Variants in PTPRB observed in about 807,000 individuals in gnomAD.
The protein encoded by PTPRB is protein tyrosine phosphatase receptor type B, also known as receptor-type tyrosine-protein phosphatase beta.
PTPRB carries 97 observed loss-of-function variants against 238.1 expected under a neutral mutation model. The ratio of observed to expected loss-of-function variants is 0.41; its 90% confidence interval spans 0.35 to 0.48. The LOEUF (loss-of-function observed/expected upper bound fraction) is 0.48, where lower values mean the gene tolerates loss of function less well. Among genes scored for constraint, PTPRB ranks in the 20% least tolerant of loss-of-function variants. PTPRB has a pLI of 0.30. For missense variants in PTPRB, 2,292 were observed against 2,681.9 expected, an observed-to-expected ratio of 0.85 and a Z score of 3.21; for synonymous variants, 970 against 995.4, an observed-to-expected ratio of 0.97 and a Z score of 0.48.
chr12:70,547,522 C>CT (rs11296814), intron 21 of PTPRB, among the ~76,000 whole-genome samples: 78 of 115,230 alleles, frequency 6.8e-4, no homozygotes, highest in African/African-American at 1.9e-3. Flanking sequence ...TCTTTCCTTC[C>CT]TTTTTTTTTT....
chr12:70,602,631 C>T (rs956731172), intron 4 of PTPRB, among the ~76,000 whole-genome samples: 6 of 152,042 alleles, frequency 3.9e-5, no homozygotes, highest in Admixed American at 6.6e-5. Context: ...GAAATAATCA[C>T]GACTTGGATT....
rs989162436 is a variant in PTPRB, at chr12:70,517,725, T to C, written c.*3764A>G. 6.6e-6 allele frequency: 1 copy of C among 152,210 alleles called. No individual in the cohort carries two copies. The highest frequency in any genetic ancestry group is 2.4e-5 in the African/African-American group (1 of 41,448). The allele number at this position is 152,210 out of a possible 1,614,324, so 9.4% of individuals were successfully genotyped here. On this transcript the variant is annotated 3_prime_UTR_variant, in exon 34 of 34. Transcript: ENST00000334414. ...GATTTTCACCAGGTCAGGTTTGGTC[T>C]GGCTCATGTTTGTAAACTAAAACTC...
chr12:70,565,052 G>GT (rs986299624), intron 15 of PTPRB, among the ~76,000 whole-genome samples: 1 of 151,878 alleles, frequency 6.6e-6, no homozygotes, highest in Non-Finnish European at 1.5e-5. Context: ...GACCATGGGA[G>GT]TTTTTTTATT....
At chr12:70,574,647 A>AT (rs1238895663) in intron 11 of PTPRB, among the ~76,000 whole-genome samples, 6 of 152,204 alleles carry the variant, frequency 3.9e-5, no homozygotes, top group Non-Finnish European at 8.8e-5. Flanking sequence ...AAATATTGGT[A>AT]TTTTCACCCA....
chr12:70,532,454 C>A (rs998561141), intron 31 of PTPRB, among the ~76,000 whole-genome samples: 2 of 151,840 alleles, frequency 1.3e-5, no homozygotes, highest in African/African-American at 4.8e-5. Context: ...AATACTTTTC[C>A]TACATACAGG....
intron 18 of PTPRB, 72 bp downstream of exon 18, chr12:70,559,271 A>G (rs576647417): frequency 1.2e-5 from 18 of 1,456,324 alleles, no homozygotes; most frequent in Middle Eastern, 1.7e-4. Context: ...TCCAAGCCCT[A>G]TTTGAGTAAG....
At position 70,555,147 on chromosome 12, in the gene PTPRB, C is replaced by G. The variant is rs1425833163; in HGVS notation, c.5143+13G>C. 2 of 1,612,226 alleles carry G rather than the reference C, an allele frequency of 1.2e-6. No homozygotes were observed. The highest frequency in any genetic ancestry group is 2.7e-5 in the African/African-American group (2 of 74,880). On this transcript the variant is annotated intron_variant, in intron 20 of 33. Transcript: ENST00000334414. ...TCTGTGTCTCAGAGTGGAGTTAACT[C>G]ATGATAACTTACCATCAGCCTCTCT...
intron 32 of PTPRB, among the ~76,000 whole-genome samples, chr12:70,527,943 C>T (rs1057077762): frequency 1.3e-5 from 2 of 152,142 alleles, no homozygotes; most frequent in Non-Finnish European, 2.9e-5. Flanking sequence ...AGGCTTAAAG[C>T]AAGGCAGATG....
chr12:70,530,506 A>C (rs977372029), intron 32 of PTPRB, among the ~76,000 whole-genome samples: 2 of 152,226 alleles, frequency 1.3e-5, no homozygotes, highest in Non-Finnish European at 2.9e-5. Flanking sequence ...ATACATATAT[A>C]CATACACACG....
intron 21 of PTPRB, 43 bp downstream of exon 21, chr12:70,552,734 T>C (rs1877079045): frequency 6.2e-7 from 1 of 1,606,740 alleles, no homozygotes; most frequent in Non-Finnish European, 8.5e-7. Context: ...TGCTTAGTAA[T>C]GTAGCATGTC....
At chr12:70,521,839 G>A (rs1429622951) in intron 33 of PTPRB, among the ~76,000 whole-genome samples, 1 of 152,156 alleles carries the variant, frequency 6.6e-6, no homozygotes, top group Non-Finnish European at 1.5e-5. Context: ...CTTCAGCTAC[G>A]TGGTGGTTAT....
intron 20 of PTPRB, among the ~76,000 whole-genome samples, chr12:70,554,654 A>T (rs916822218): frequency 2.6e-5 from 4 of 152,170 alleles, no homozygotes; most frequent in South Asian, 2.1e-4. Context: ...TTTCATGAAC[A>T]TCTTTTCCTT....
chr12:70,607,111 C>T (rs985107366), intron 4 of PTPRB, among the ~76,000 whole-genome samples: 3 of 152,222 alleles, frequency 2.0e-5, no homozygotes, highest in African/African-American at 4.8e-5. Context: ...GACTTGAATA[C>T]CTACTTGCAT....
chr12:70,628,746 T>A (rs1885315866), intron 2 of PTPRB, among the ~76,000 whole-genome samples: 1 of 152,060 alleles, frequency 6.6e-6, no homozygotes, highest in South Asian at 2.1e-4. Context: ...TTTTTTTCTT[T>A]TACAGATAGG....
chr12:70,615,214 A>G (rs935593367), intron 3 of PTPRB, among the ~76,000 whole-genome samples: 1 of 152,224 alleles, frequency 6.6e-6, no homozygotes, highest in African/African-American at 2.4e-5. Flanking sequence ...CTGAGAACTC[A>G]TCTTTCTGAG....
chr12:70,586,916 T>C, intron 9 of PTPRB, 91 bp downstream of exon 9: 4 of 1,266,194 alleles, frequency 3.2e-6, no homozygotes, highest in Non-Finnish European at 3.3e-6. Context: ...CAGTACATAA[T>C]AGGCAGTTAA....
intron 2 of PTPRB, among the ~76,000 whole-genome samples, chr12:70,628,866 A>C (rs1289081355): frequency 6.6e-6 from 1 of 152,120 alleles, no homozygotes; most frequent in East Asian, 1.9e-4. Flanking sequence ...TGCCTGGTCA[A>C]CTGTAACATT....
chr12:70,607,314 A>G (rs1884026519), intron 4 of PTPRB, among the ~76,000 whole-genome samples: 1 of 152,174 alleles, frequency 6.6e-6, no homozygotes, highest in Admixed American at 6.5e-5. Flanking sequence ...GAACACATAC[A>G]CTAGTTGGCC....
At chr12:70,539,587 AC>A (rs1874721389) in intron 26 of PTPRB, 37 bp downstream of exon 26, 2 of 1,430,546 alleles carry the variant, frequency 1.4e-6, no homozygotes, top group Non-Finnish European at 1.9e-6. Context: ...TCTGCTAAGA[AC>A]TAGGGATGCT....
Sources: gnomAD v4.1 joint callset for allele counts (sites outside exome capture counted in the v4.1 genomes callset) on GRCh38, gnomAD v4.1.1 for gene constraint, MANE v1.5 for transcripts, NCBI Gene and HGNC (gene_info 2026-07-23, HGNC 2026-07-21) for gene names.